ELMO1: variants seen among roughly 807,000 people sequenced by gnomAD.
ELMO1 encodes the protein engulfment and cell motility protein 1.
ELMO1 carries 26 observed loss-of-function variants against 98.9 expected under a neutral mutation model. The observed-to-expected ratio is 0.26, with a 90% confidence interval of 0.19 to 0.36. The LOEUF (loss-of-function observed/expected upper bound fraction) is 0.36, where lower values mean the gene tolerates loss of function less well. ELMO1 is among the 10% of genes least tolerant of loss of function. ELMO1 has a pLI of 1.00. For synonymous variants in ELMO1, 346 were observed against 346.0 expected (o/e 1.00, Z 0.00); for missense variants, 627 against 935.2 (o/e 0.67, Z 4.30).
At chr7:36,913,090 C>T (rs1452263836) in intron 16 of ELMO1, among the ~76,000 whole-genome samples, 1 of 152,144 alleles carries the variant, frequency 6.6e-6, no homozygotes, top group Non-Finnish European at 1.5e-5. Context: ...CCCCATCAGA[C>T]AAGGAACGGT....
At chr7:36,975,416 G>A (rs1584465062) in intron 16 of ELMO1, among the ~76,000 whole-genome samples, 1 of 152,106 alleles carries the variant, frequency 6.6e-6, no homozygotes, top group Non-Finnish European at 1.5e-5. Flanking sequence ...AGGTTGCAGT[G>A]AGCTGAGATC....
At chr7:36,914,582 C>T (rs1375291816) in intron 16 of ELMO1, among the ~76,000 whole-genome samples, 3 of 150,484 alleles carry the variant, frequency 2.0e-5, no homozygotes, top group African/African-American at 7.4e-5. Context: ...GGCCTGATCT[C>T]GGCTCACTGC....
At position 37,256,308 on chromosome 7, in the gene ELMO1, A is replaced by G. The variant is rs1008995138; in HGVS notation, c.413+2873T>C. Among the ~76,000 whole-genome samples the G allele has an allele frequency of 5.3e-5, 8 of 151,948 alleles. No homozygotes were observed. The South Asian group carries it at 1.7e-3, about 32-fold the overall frequency. ...GTCTACAGTTGACCCTTTCCCGATCACCCAGGCCTGTTTGTCGGTCTTCTC... is the reference window on the plus strand; with the variant it reads ...GTCTACAGTTGACCCTTTCCCGATCGCCCAGGCCTGTTTGTCGGTCTTCTC... On this transcript the variant is annotated intron_variant, in intron 6 of 21. Coordinates refer to ENST00000310758, the MANE Select transcript of ELMO1 (RefSeq NM_014800.11).
intron 20 of ELMO1, among the ~76,000 whole-genome samples, chr7:36,868,415 G>C (rs181595726): frequency 6.7e-6 from 1 of 149,892 alleles, no homozygotes; most frequent in Non-Finnish European, 1.5e-5. Flanking sequence ...ACATGATCTC[G>C]GCTCATCGCA....
intron 6 of ELMO1, among the ~76,000 whole-genome samples, chr7:37,250,797 A>G (rs1562554426): frequency 6.6e-6 from 1 of 151,880 alleles, no homozygotes; most frequent in Non-Finnish European, 1.5e-5. Flanking sequence ...GTCTCAAAAA[A>G]AAAAAAAAAA....
chr7:37,079,102 T>A (rs1053100537), intron 15 of ELMO1, among the ~76,000 whole-genome samples: 13 of 152,204 alleles, frequency 8.5e-5, no homozygotes, highest in African/African-American at 3.1e-4. Context: ...ATTATTAAGA[T>A]GTGTGTAAAG....
At chr7:37,328,181 G>C (rs1158462410) in intron 2 of ELMO1, among the ~76,000 whole-genome samples, 1 of 151,996 alleles carries the variant, frequency 6.6e-6, no homozygotes, top group Non-Finnish European at 1.5e-5. Context: ...TCAAGAGTTC[G>C]AGACCAGCCT....
At chr7:36,869,016 A>G (rs1258540501) in intron 20 of ELMO1, among the ~76,000 whole-genome samples, 3 of 152,222 alleles carry the variant, frequency 2.0e-5, no homozygotes, top group African/African-American at 7.2e-5. Context: ...TCTGCTCCAC[A>G]GGAGGCAAAC....
intron 13 of ELMO1, among the ~76,000 whole-genome samples, chr7:37,145,980 G>C (rs961959779): frequency 2.0e-5 from 3 of 152,074 alleles, no homozygotes; most frequent in Admixed American, 6.5e-5. Flanking sequence ...GAATATGTGG[G>C]TGTTTCAATA....
chr7:37,164,144 A>C (rs1234053548), intron 13 of ELMO1, among the ~76,000 whole-genome samples: 1 of 152,114 alleles, frequency 6.6e-6, no homozygotes, highest in Admixed American at 6.5e-5. Flanking sequence ...TTCTTTTGAG[A>C]AGTGTCTGTT....
intron 19 of ELMO1, among the ~76,000 whole-genome samples, chr7:36,871,536 C>G (rs17331515): frequency 6.6e-6 from 1 of 152,174 alleles, no homozygotes; most frequent in Non-Finnish European, 1.5e-5. Context: ...AAGGTATGCA[C>G]GCTGGCTAGT....
intron 13 of ELMO1, among the ~76,000 whole-genome samples, chr7:37,167,742 C>G (rs975023550): frequency 1.3e-5 from 2 of 152,094 alleles, no homozygotes; most frequent in Non-Finnish European, 2.9e-5. Flanking sequence ...TTGTGGGTAA[C>G]CCGACGTTTC....
chr7:37,158,179 G>A (rs1403358012), intron 13 of ELMO1, among the ~76,000 whole-genome samples: 2 of 152,186 alleles, frequency 1.3e-5, no homozygotes, highest in East Asian at 1.9e-4. Flanking sequence ...AGACTTAAAT[G>A]TAAGACCTAA....
chr7:37,136,618 G>C (rs1787280306), intron 13 of ELMO1, among the ~76,000 whole-genome samples: 2 of 152,010 alleles, frequency 1.3e-5, no homozygotes, highest in African/African-American at 2.4e-5. Flanking sequence ...TGTATCCAGT[G>C]AAACTAAGCT....
chr7:36,931,999 C>T (rs897247650), intron 16 of ELMO1, among the ~76,000 whole-genome samples: 3 of 152,166 alleles, frequency 2.0e-5, no homozygotes, highest in African/African-American at 7.2e-5. Context: ...AGATACTATA[C>T]ACAAGACTAA....
intron 1 of ELMO1, among the ~76,000 whole-genome samples, chr7:37,426,750 A>C: frequency 6.6e-6 from 1 of 152,068 alleles, no homozygotes; most frequent in Non-Finnish European, 1.5e-5. Flanking sequence ...TTCTTCAAAG[A>C]CCATTTCCCA....
chr7:37,053,585 C>T (rs977908175), intron 15 of ELMO1, among the ~76,000 whole-genome samples: 5 of 152,146 alleles, frequency 3.3e-5, no homozygotes, highest in African/African-American at 1.2e-4. Context: ...CAGAATGATT[C>T]CTAATATTCC....
intron 6 of ELMO1, among the ~76,000 whole-genome samples, chr7:37,256,257 A>G (rs1302773047): frequency 2.6e-5 from 4 of 151,918 alleles, no homozygotes; most frequent in African/African-American, 9.7e-5. Context: ...AGGTTTCGTC[A>G]TCCTTGAAAA....
At chr7:36,944,497 C>T (rs368014616) in intron 16 of ELMO1, among the ~76,000 whole-genome samples, 1 of 152,206 alleles carries the variant, frequency 6.6e-6, no homozygotes, top group South Asian at 2.1e-4. Flanking sequence ...TATTTTCTAT[C>T]CTTCTCACAG....
Sources: gnomAD v4.1 joint callset for allele counts (sites outside exome capture counted in the v4.1 genomes callset) on GRCh38, gnomAD v4.1.1 for gene constraint, MANE v1.5 for transcripts, NCBI Gene and HGNC (gene_info 2026-07-23, HGNC 2026-07-21) for gene names.